Variants in CSPP1 observed in about 807,000 individuals in gnomAD.
The protein encoded by CSPP1 is centrosome and spindle pole-associated protein 1.
CSPP1 carries 126 observed loss-of-function variants against 164.4 expected under a neutral mutation model. That is an observed-to-expected ratio of 0.77 (90% confidence interval 0.66 to 0.89). CSPP1 has a LOEUF of 0.89. Among genes scored for constraint, CSPP1 ranks in the 40% least tolerant of loss-of-function variants. CSPP1 has a pLI of 0.00. For synonymous variants in CSPP1, 472 were observed against 476.7 expected, an observed-to-expected ratio of 0.99 and a Z score of 0.13; for missense variants, 1,395 against 1,449.8, an observed-to-expected ratio of 0.96 and a Z score of 0.61.
intron 1 of CSPP1, chr8:67,064,812 C>A: frequency 3.4e-6 from 1 of 293,688 alleles, no homozygotes; most frequent in South Asian, 4.8e-5. Flanking sequence ...GCATCGGTGA[C>A]TACGAGTTAT....
At chr8:67,099,853 C>T (rs1813654983) in intron 7 of CSPP1, among the ~76,000 whole-genome samples, 1 of 152,016 alleles carries the variant, frequency 6.6e-6, no homozygotes, top group African/African-American at 2.4e-5. Context: ...GCTAACTTAC[C>T]AAACTATAGT....
intron 15 of CSPP1, among the ~76,000 whole-genome samples, chr8:67,129,609 C>G (rs978313466): frequency 2.0e-5 from 3 of 152,112 alleles, no homozygotes; most frequent in Non-Finnish European, 4.4e-5. Flanking sequence ...GGAAACAATT[C>G]AAGTGTCCAT....
chr8:67,193,578 T>G lies in CSPP1; in HGVS notation c.3445T>G (p.Phe1149Val). 1 of 1,613,700 alleles carries G rather than the reference T, an allele frequency of 6.2e-7. No individual in the cohort carries two copies. Residue 1149 changes from phenylalanine (F) to valine (V), a missense_variant, in exon 30 of 31, where the codon TTT becomes GTT. Coordinates refer to ENST00000678616, the MANE Select transcript of CSPP1 (RefSeq NM_001382391.1). ...GGAACGAATGCGAAGACTGAATGAA[T>G]TTCACAATAAACCTATTAATACAGG... Reference protein sequence around the residue: ...NEERMRRLNEFHNKPINTDDE... With the variant: ...NEERMRRLNEVHNKPINTDDE...
intron 24 of CSPP1, among the ~76,000 whole-genome samples, chr8:67,167,390 G>A (rs1317705322): frequency 6.2e-5 from 9 of 146,050 alleles, no homozygotes; most frequent in Non-Finnish European, 9.2e-5. Flanking sequence ...CTGGCCGGGC[G>A]GGGGCTGCCC....
intron 13 of CSPP1, 89 bp downstream of exon 13, chr8:67,116,211 ATTC>A (rs1356061019): frequency 3.2e-6 from 3 of 931,974 alleles, no homozygotes; most frequent in South Asian, 1.5e-5. Flanking sequence ...GGATGACGTT[ATTC>A]TTCAGAGATT....
At chr8:67,147,202 G>C (rs1357906108) in intron 17 of CSPP1, among the ~76,000 whole-genome samples, 1 of 152,152 alleles carries the variant, frequency 6.6e-6, no homozygotes, top group Non-Finnish European at 1.5e-5. Flanking sequence ...TGTATGGTTT[G>C]TGCAGGTGAC....
At chr8:67,073,575 G>T (rs1807290234) in intron 1 of CSPP1, among the ~76,000 whole-genome samples, 1 of 152,148 alleles carries the variant, frequency 6.6e-6, no homozygotes, top group South Asian at 2.1e-4. Context: ...GGCTGCTATT[G>T]AGTCAGTTGA....
At position 67,116,084 on chromosome 8, in the gene CSPP1, T is replaced by G; in HGVS notation, c.1458T>G (p.Ser486Arg). 6.2e-7 allele frequency: 1 copy of G among 1,614,086 alleles called. No individual in the cohort carries two copies. The highest frequency in any genetic ancestry group is 8.5e-7 in the Non-Finnish European group (1 of 1,179,974). ...CTTCTCAAAATGAAGATTTGCGCAGTGGACTCAGCAGCGCCCTTGGTGAAA... is the reference window on the plus strand; with the variant it reads ...CTTCTCAAAATGAAGATTTGCGCAGGGGACTCAGCAGCGCCCTTGGTGAAA... ...PVPSQNEDLR[S>R]GLSSALGEMV... Residue 486 changes from serine (S) to arginine (R), a missense_variant, in exon 13 of 31, where the codon AGT (serine) becomes AGG (arginine). Physicochemically the swap from Ser to Arg is moderately radical, Grantham distance 110 (BLOSUM62 -1). Coordinates refer to ENST00000678616, the MANE Select transcript of CSPP1 (RefSeq NM_001382391.1).
intron 19 of CSPP1, among the ~76,000 whole-genome samples, chr8:67,157,427 C>CT (rs1826889042): frequency 6.6e-6 from 1 of 151,956 alleles, no homozygotes; most frequent in Non-Finnish European, 1.5e-5. Context: ...TCCTGAGTAG[C>CT]TGGGATTACA....
intron 28 of CSPP1, among the ~76,000 whole-genome samples, chr8:67,186,134 A>C (rs1834513174): frequency 6.6e-6 from 1 of 152,150 alleles, no homozygotes; most frequent in Non-Finnish European, 1.5e-5. Context: ...TTTGTTAAAA[A>C]TTTTCCATCA....
intron 7 of CSPP1, among the ~76,000 whole-genome samples, chr8:67,099,814 G>T (rs1191430789): frequency 6.6e-6 from 1 of 152,116 alleles, no homozygotes; most frequent in Non-Finnish European, 1.5e-5. Flanking sequence ...CATAAAAATT[G>T]TAGGGATATT....
chr8:67,085,302 A>G (rs1810150997), intron 3 of CSPP1, among the ~76,000 whole-genome samples: 2 of 152,066 alleles, frequency 1.3e-5, no homozygotes. Flanking sequence ...TTATGAAATC[A>G]GAAGTGGTTT....
intron 15 of CSPP1, among the ~76,000 whole-genome samples, chr8:67,127,263 C>T (rs780208341): frequency 8.5e-5 from 13 of 152,118 alleles, no homozygotes; most frequent in Non-Finnish European, 1.9e-4. Context: ...GTGGCTTAAA[C>T]AACAGACATT....
intron 5 of CSPP1, 53 bp from the exon 6 acceptor site, chr8:67,093,490 T>C: frequency 9.3e-7 from 1 of 1,075,572 alleles, no homozygotes; most frequent in South Asian, 1.4e-5. Flanking sequence ...CATTGAGGGA[T>C]TTTTTTTTCC....
chr8:67,118,928 T>C, intron 15 of CSPP1, 107 bp downstream of exon 15: 5 of 710,002 alleles, frequency 7.0e-6, no homozygotes, highest in Non-Finnish European at 1.2e-5. Context: ...TATTTAGTGG[T>C]ATTTAATATT....
intron 16 of CSPP1, chr8:67,134,013 C>T (rs1269959408): frequency 2.0e-5 from 3 of 152,184 alleles, no homozygotes; most frequent in African/African-American, 7.2e-5. Context: ...CTATTTCTTC[C>T]ACATCTGCAG....
intron 19 of CSPP1, among the ~76,000 whole-genome samples, chr8:67,155,421 C>T (rs1826481052): frequency 6.6e-6 from 1 of 152,180 alleles, no homozygotes; most frequent in Non-Finnish European, 1.5e-5. Flanking sequence ...AATAGATGCC[C>T]TCAAACATAT....
chr8:67,142,456 A>G (rs747149837), intron 17 of CSPP1, among the ~76,000 whole-genome samples: 25 of 152,078 alleles, frequency 1.6e-4, no homozygotes, highest in Non-Finnish European at 2.6e-4. Context: ...GTTTTAGCAT[A>G]GTGTTTCTGA....
intron 3 of CSPP1, among the ~76,000 whole-genome samples, chr8:67,080,184 A>C (rs1021028866): frequency 6.6e-6 from 1 of 152,230 alleles, no homozygotes. Context: ...TCATTTAGGA[A>C]TTATAAAAAA....
Sources: gnomAD v4.1 joint callset for allele counts (sites outside exome capture counted in the v4.1 genomes callset) on GRCh38, gnomAD v4.1.1 for gene constraint, MANE v1.5 for transcripts, NCBI Gene and HGNC (gene_info 2026-07-23, HGNC 2026-07-21) for gene names.